UGGT1: variants seen among roughly 807,000 people sequenced by gnomAD.
UGGT1 encodes the protein UDP-glucose:glycoprotein glucosyltransferase 1.
Under a neutral mutation model 203.9 loss-of-function variants are expected in UGGT1, and 107 were observed. The ratio of observed to expected loss-of-function variants is 0.52; its 90% CI spans 0.45 to 0.62. UGGT1 has a LOEUF of 0.62. Among genes scored for constraint, UGGT1 ranks in the 20% least tolerant of loss-of-function variants. UGGT1 has a pLI of 0.00. For missense variants in UGGT1, 1,673 were observed against 1,867.2 expected (o/e 0.90, Z 1.92); for synonymous variants, 628 against 653.5 (o/e 0.96, Z 0.59).
chr2:128,182,324 G>T (rs771179402), intron 37 of UGGT1, 34 bp downstream of exon 37: 6 of 1,565,558 alleles, frequency 3.8e-6, no homozygotes, highest in Non-Finnish European at 4.3e-6. Context: ...CACTGTTACG[G>T]GGTTTTCCTT....
chr2:128,097,632 G>A (rs1687174662), intron 2 of UGGT1, 68 bp downstream of exon 2: 3 of 1,576,884 alleles, frequency 1.9e-6, no homozygotes, highest in Non-Finnish European at 2.6e-6. Flanking sequence ...TGAACATTCA[G>A]GAGCTTTTTA....
At chr2:128,139,086 G>A (rs1307358921) in intron 16 of UGGT1, among the ~76,000 whole-genome samples, 1 of 152,196 alleles carries the variant, frequency 6.6e-6, no homozygotes, top group Non-Finnish European at 1.5e-5. Context: ...AAGTAATGGG[G>A]AAGGTAGTTA....
chr2:128,143,004 A>G (rs1281635628), intron 16 of UGGT1, 90 bp from the exon 17 acceptor site: 13 of 1,325,384 alleles, frequency 9.8e-6, no homozygotes, highest in Non-Finnish European at 2.0e-6. Flanking sequence ...AAATAAGTAT[A>G]TTTTCCTCTA....
chr2:128,103,401 A>G (rs527383454), intron 2 of UGGT1, among the ~76,000 whole-genome samples: 56 of 152,318 alleles, frequency 3.7e-4, no homozygotes, highest in African/African-American at 1.3e-3. Flanking sequence ...GCTAATTTTA[A>G]ACTAAGTTTG....
rs374820526 is a variant in UGGT1 at position 128,106,053 on chromosome 2, C to T, written c.278-1885C>T. On this transcript the variant is annotated intron_variant, in intron 3 of 40. Transcript: ENST00000259253. ...CAAGACATCCCTGCCCTGCCTCTCG[C>T]CTTGGCCTCCTAAAGTGATGGGATT... Among the ~76,000 whole-genome samples the T allele has an allele frequency of 4.6e-5, 7 of 152,034 alleles. No homozygotes were observed. The South Asian group carries it at 1.5e-3, about 32-fold the overall frequency.
At position 128,091,259 on chromosome 2, in the gene UGGT1, C is replaced by T. The variant is rs1430754579; in HGVS notation, c.-99C>T. On this transcript the variant is annotated 5_prime_UTR_variant, in exon 1 of 41. Transcript: ENST00000259253. Reference sequence around the variant, plus strand: ...GTCGAGCCGCGGGAAAGGCGCGTGTCGGCCTCTCACTGGCGCAGCCTGCAC... The same window carrying T: ...GTCGAGCCGCGGGAAAGGCGCGTGTTGGCCTCTCACTGGCGCAGCCTGCAC... 1.1e-5 allele frequency: 14 copies of T among 1,272,884 alleles called. No individual in the cohort carries two copies. Among genetic ancestry groups the T allele is most frequent in the African/African-American group, 1.6e-5 (1 of 63,958 alleles). 78.8% of individuals were successfully genotyped at this position (1,272,884 alleles called of 1,614,324 possible).
At chr2:128,183,597 C>CT in intron 37 of UGGT1, 78 bp from the exon 38 acceptor site, 2 of 1,041,582 alleles carry the variant, frequency 1.9e-6, no homozygotes, top group South Asian at 2.7e-5. Flanking sequence ...GGCTAGTGGC[C>CT]TGTTCCATTA....
intron 4 of UGGT1, among the ~76,000 whole-genome samples, chr2:128,108,284 A>G (rs6736472): frequency 0.9 from 136,687 of 152,034 alleles, 62,246 homozygotes; most frequent in Non-Finnish European, 0.98. Flanking sequence ...ATATAGAAAA[A>G]AGACAGCAAT....
chr2:128,152,197 CA>C (rs2104708383), intron 18 of UGGT1, among the ~76,000 whole-genome samples: 1 of 151,368 alleles, frequency 6.6e-6, no homozygotes, highest in African/African-American at 2.4e-5. Flanking sequence ...TTCCTTGGGA[CA>C]GAGTCTCACT....
Position 128,177,907 on chromosome 2 carries a change from G to C in UGGT1, c.3700G>C (p.Asp1234His), listed in dbSNP as rs1181127271. 1 of 1,599,794 alleles carries C rather than the reference G, an allele frequency of 6.3e-7. No individual in the cohort carries two copies. Among genetic ancestry groups the C allele is most frequent in the Admixed American group, 1.7e-5 (1 of 57,402 alleles). ...GTSENESGFW[D>H]SFKWGFTGQK... is the part of the protein sequence containing the mutation. ...GAGTGAGAATGAATCTGGATTTTGG[G>C]ATTCCTTCAAATGGTAAGTTGACAT... Residue 1234 changes from aspartate to histidine, a missense_variant, in exon 33 of 41, where the codon GAT becomes CAT. By Grantham distance (81) the Asp-to-His change is moderately conservative. This residue lies in a region of UGGT1 where 513 missense variants were observed against 684.1 expected (regional missense o/e 0.75). Coordinates refer to ENST00000259253, the MANE Select transcript of UGGT1 (RefSeq NM_020120.4).
At chr2:128,146,105 C>A (rs1689677844) in intron 18 of UGGT1, 138 bp downstream of exon 18, 1 of 1,019,164 alleles carries the variant, frequency 9.8e-7, no homozygotes, top group East Asian at 2.7e-5. Flanking sequence ...GGTAGGAAGT[C>A]TGAGACCAAC....
intron 19 of UGGT1, among the ~76,000 whole-genome samples, chr2:128,153,404 GA>G (rs143771049): frequency 2.0e-5 from 3 of 151,854 alleles, no homozygotes; most frequent in South Asian, 4.2e-4. Context: ...TTTTTTTAAT[GA>G]AAAAAACCCC....
chr2:128,109,140 C>T (rs1687736306), intron 4 of UGGT1, among the ~76,000 whole-genome samples: 1 of 152,118 alleles, frequency 6.6e-6, no homozygotes, highest in Non-Finnish European at 1.5e-5. Context: ...GATCTGCCTG[C>T]CTCTGCCCCG....
chr2:128,142,604 A>T (rs964715190), intron 16 of UGGT1, among the ~76,000 whole-genome samples: 1 of 150,764 alleles, frequency 6.6e-6, no homozygotes. Context: ...AAAAAAAAGA[A>T]TATTTAATTT....
chr2:128,091,200 A>G lies in UGGT1; in HGVS notation c.-158A>G. On this transcript the variant is annotated 5_prime_UTR_variant, in exon 1 of 41. Coordinates refer to ENST00000259253, the MANE Select transcript of UGGT1 (RefSeq NM_020120.4). ...AAGCGGAAGTAAAAGGGCGGCCGGC[A>G]GCTGGGCAATTGCTTTGCGAGGCTG... 2 of 797,152 alleles carry G rather than the reference A, an allele frequency of 2.5e-6. No individual in the cohort carries two copies. Among genetic ancestry groups the G allele is most frequent in the Non-Finnish European group, 3.7e-6 (2 of 534,910 alleles). 49.4% of individuals were successfully genotyped at this position (797,152 alleles called of 1,614,324 possible).
At position 128,129,024 on chromosome 2, in the gene UGGT1, C is replaced by T. The variant is rs781779096; in HGVS notation, c.1227-5C>T. On this transcript the variant is annotated splice_region_variant and splice_polypyrimidine_tract_variant and intron_variant, in intron 12 of 40. Coordinates refer to ENST00000259253, the MANE Select transcript of UGGT1 (RefSeq NM_020120.4). ...GTAAATATCTCTTTTTGTTTTTCCC[C>T]CCAGTCTGTTTGATGTGTTGAGGAA... 3.8e-6 allele frequency: 6 copies of T among 1,560,226 alleles called. No individual in the cohort carries two copies. Among genetic ancestry groups the T allele is most frequent in the Middle Eastern group, 1.7e-4 (1 of 5,840 alleles).
At chr2:128,125,653 A>G (rs1688565737) in intron 11 of UGGT1, among the ~76,000 whole-genome samples, 1 of 152,174 alleles carries the variant, frequency 6.6e-6, no homozygotes, top group Non-Finnish European at 1.5e-5. Flanking sequence ...AAATGTTCTT[A>G]TGTTCAATTC....
chr2:128,127,101 C>T (rs1280252402), intron 11 of UGGT1, among the ~76,000 whole-genome samples: 1 of 152,142 alleles, frequency 6.6e-6, no homozygotes, highest in African/African-American at 2.4e-5. Flanking sequence ...TTTCCATGAT[C>T]TCCTTATTTT....
intron 3 of UGGT1, among the ~76,000 whole-genome samples, chr2:128,106,756 G>A (rs571565334): frequency 5.9e-5 from 9 of 152,118 alleles, no homozygotes; most frequent in Admixed American, 5.9e-4. Flanking sequence ...CACCATGTTG[G>A]CCAGGCTGGT....
Sources: allele counts gnomAD v4.1 joint callset (sites outside exome capture counted in the v4.1 genomes callset), GRCh38; gene constraint gnomAD v4.1.1; regional missense constraint gnomAD v4.1.1; transcripts MANE v1.5; gene names NCBI Gene and HGNC (gene_info 2026-07-23, HGNC 2026-07-21).